The following LDB2 variants were observed in gnomAD, a reference collection of about 807,000 sequenced individuals.
The protein encoded by LDB2 is LIM domain binding 2.
A neutral mutation model predicts 44.3 loss-of-function variants in LDB2; 12 were observed. The observed-to-expected ratio is 0.27, with a 90% CI of 0.17 to 0.44. The LOEUF is 0.44. Ranked by LOEUF, LDB2 falls within the 20% of genes least tolerant of loss-of-function variation. LDB2 has a pLI of 1.00. For synonymous variants in LDB2, 164 were observed against 174.8 expected, an observed-to-expected ratio of 0.94 and a Z score of 0.49; for missense variants, 344 against 473.5, an observed-to-expected ratio of 0.73 and a Z score of 2.54.
intron 1 of LDB2, among the ~76,000 whole-genome samples, chr4:16,852,896 G>C (rs1674139256): frequency 6.6e-6 from 1 of 152,050 alleles, no homozygotes; most frequent in African/African-American, 2.4e-5. Context: ...ATTTATATTA[G>C]TTGGCCAGAA....
intron 7 of LDB2, among the ~76,000 whole-genome samples, chr4:16,503,414 C>G (rs1284148326): frequency 6.6e-6 from 1 of 152,242 alleles, no homozygotes; most frequent in South Asian, 2.1e-4. Context: ...CAGAATCTCT[C>G]TTTTCTCTAC....
intron 2 of LDB2, among the ~76,000 whole-genome samples, chr4:16,695,868 C>A (rs1458702550): frequency 3.3e-5 from 5 of 152,250 alleles, no homozygotes; most frequent in Non-Finnish European, 2.9e-5. Context: ...TCATTCTTAG[C>A]CTGCAGACCA....
In LDB2 at chr4:16,528,750, G is replaced by A. The variant is rs922003013; in HGVS notation, c.616-16646C>T. Reference sequence around the variant, plus strand: ...TTAAGAGGAAAAAAGTGATTCATGAGAAGAAATCTGGTTTGTGAGCCAATC... The same window carrying A: ...TTAAGAGGAAAAAAGTGATTCATGAAAAGAAATCTGGTTTGTGAGCCAATC... On this transcript the variant is annotated intron_variant, in intron 5 of 7. Transcript: ENST00000304523. 3.9e-5 allele frequency among the ~76,000 whole-genome samples: 6 copies of A among 152,190 alleles called. No homozygotes were observed. In the East Asian group the frequency reaches 9.7e-4, roughly 25 times the overall value.
At chr4:16,767,298 C>T (rs1040304354) in intron 1 of LDB2, among the ~76,000 whole-genome samples, 2 of 151,952 alleles carry the variant, frequency 1.3e-5, no homozygotes, top group Non-Finnish European at 2.9e-5. Flanking sequence ...CCAACTTTGC[C>T]GATCATTCTT....
rs1553994472 is a variant in LDB2, at chr4:16,739,610, G to GTGTA, written c.235+19547_235+19548insTACA. On this transcript the variant is annotated intron_variant, in intron 2 of 7. Transcript: ENST00000304523. The stretch of plus-strand genomic sequence containing the variant: ...AAAAAATATATATATATATATATAT[G>GTGTA]TATATATACATGTGTGTGTATATAT... Among the ~76,000 whole-genome samples, 6 of 52,624 alleles carry GTGTA rather than the reference G, an allele frequency of 1.1e-4. 1 individual carries two copies. Among genetic ancestry groups the GTGTA allele is most frequent in the African/African-American group, 4.6e-4 (6 of 12,906 alleles). 34.5% of individuals were successfully genotyped at this position (52,624 alleles called of 152,430 possible).
rs531330817 is a variant in LDB2, at chr4:16,858,602, C to T, written c.132+39752G>A. On this transcript the variant is annotated intron_variant, in intron 1 of 7. Coordinates refer to ENST00000304523, the MANE Select transcript of LDB2 (RefSeq NM_001290.5). ...TTCTATTTTCAGCTGGCACCAGACC[C>T]GGTCCTCGACTTTATCACCCATCGG... 1.9e-4 allele frequency among the ~76,000 whole-genome samples: 29 copies of T among 152,318 alleles called. No homozygotes were observed. In the South Asian group the frequency reaches 5.4e-3, roughly 28 times the overall value.
chr4:16,878,439 A>G (rs1719069423), intron 1 of LDB2, among the ~76,000 whole-genome samples: 2 of 152,188 alleles, frequency 1.3e-5, no homozygotes, highest in Admixed American at 1.3e-4. Context: ...ATTCACTGTC[A>G]TCTTTTACCA....
At chr4:16,561,041 T>A (rs1167795299) in intron 5 of LDB2, among the ~76,000 whole-genome samples, 1 of 152,170 alleles carries the variant, frequency 6.6e-6, no homozygotes, top group East Asian at 1.9e-4. Context: ...AAACTCTCAA[T>A]AACTTAGGTA....
intron 2 of LDB2, among the ~76,000 whole-genome samples, chr4:16,725,977 TA>T (rs1759363973): frequency 6.7e-6 from 1 of 149,000 alleles, no homozygotes; most frequent in Admixed American, 6.7e-5. Flanking sequence ...TATTAGTACA[TA>T]AAATATCCAT....
intron 1 of LDB2, among the ~76,000 whole-genome samples, chr4:16,766,517 T>A (rs1376623861): frequency 6.7e-6 from 1 of 150,222 alleles, no homozygotes; most frequent in East Asian, 1.9e-4. Flanking sequence ...TATATTTTTT[T>A]TTTTTTGAGA....
intron 2 of LDB2, among the ~76,000 whole-genome samples, chr4:16,679,448 C>T (rs889184743): frequency 3.9e-5 from 6 of 152,138 alleles, no homozygotes; most frequent in South Asian, 2.1e-4. Flanking sequence ...GGCACTAATC[C>T]TTTACCTATA....
chr4:16,722,443 C>CT (rs1344330920), intron 2 of LDB2, among the ~76,000 whole-genome samples: 2 of 152,068 alleles, frequency 1.3e-5, no homozygotes, highest in African/African-American at 2.4e-5. Flanking sequence ...CCTTTAGCTC[C>CT]TTTTTTTCTG....
chr4:16,762,029 A>G (rs530146664), intron 1 of LDB2, among the ~76,000 whole-genome samples: 1 of 152,234 alleles, frequency 6.6e-6, no homozygotes, highest in South Asian at 2.1e-4. Flanking sequence ...TAAATGGAAT[A>G]GAAAATAGAA....
intron 2 of LDB2, among the ~76,000 whole-genome samples, chr4:16,754,627 G>T (rs746386916): frequency 2.0e-5 from 3 of 151,810 alleles, no homozygotes; most frequent in African/African-American, 4.8e-5. Context: ...CGCCTCCTGG[G>T]TTCAAGTAAT....
Position 16,702,374 on chromosome 4 carries a change from G to T in LDB2, c.235+56784C>A, listed in dbSNP as rs114986761. 4.2e-3 allele frequency among the ~76,000 whole-genome samples: 644 copies of T among 152,220 alleles called. 4 individuals carry two copies. Among genetic ancestry groups the T allele is most frequent in the African/African-American group, 0.015 (613 of 41,534 alleles). On this transcript the variant is annotated intron_variant, in intron 2 of 7. Coordinates refer to ENST00000304523, the MANE Select transcript of LDB2 (RefSeq NM_001290.5). ...ATGAAAAGTCTGAACTGCATGCCCT[G>T]CATGCTCCCGTTCCCCTCCCACTCC...
At chr4:16,662,993 C>T (rs1372185277) in intron 2 of LDB2, among the ~76,000 whole-genome samples, 1 of 152,156 alleles carries the variant, frequency 6.6e-6, no homozygotes, top group Non-Finnish European at 1.5e-5. Context: ...AAATCTGCTA[C>T]TGACTCTTTC....
chr4:16,506,023 T>TAGCCCTCGCCA (rs1719267998), intron 7 of LDB2: 6 of 1,543,232 alleles, frequency 3.9e-6, no homozygotes, highest in Non-Finnish European at 5.2e-6. Flanking sequence ...GATTAAACCC[T>TAGCCCTCGCCA]AGCCCTCGCC....
intron 6 of LDB2, among the ~76,000 whole-genome samples, chr4:16,510,813 C>T (rs3792679): frequency 0.39 from 58,970 of 151,926 alleles, 11,582 homozygotes; most frequent in Middle Eastern, 0.49. Flanking sequence ...GCTAGAACCA[C>T]GTCTGGAGCC....
intron 5 of LDB2, among the ~76,000 whole-genome samples, chr4:16,564,785 T>G (rs1397191692): frequency 6.6e-6 from 1 of 152,180 alleles, no homozygotes; most frequent in Middle Eastern, 3.2e-3. Context: ...ACAGGGGAAT[T>G]AGGGCCATGT....
Sources: allele counts gnomAD v4.1 joint callset (sites outside exome capture counted in the v4.1 genomes callset), GRCh38; gene constraint gnomAD v4.1.1; transcripts MANE v1.5; gene names NCBI Gene and HGNC (gene_info 2026-07-23, HGNC 2026-07-21).